NCKAP1: variants seen among roughly 807,000 people sequenced by gnomAD.
NCKAP1 encodes NCK associated protein 1, also known as nck-associated protein 1.
In NCKAP1, 21 loss-of-function variants were observed where a neutral mutation model predicts 151.2. The ratio of observed to expected loss-of-function variants is 0.14; its 90% confidence interval spans 0.10 to 0.20. The LOEUF is 0.20. Among genes scored for constraint, NCKAP1 ranks in the 10% least tolerant of loss-of-function variants. The pLI, the probability that NCKAP1 is intolerant of heterozygous loss-of-function variation, is 1.00. For synonymous variants in NCKAP1, 484 were observed against 451.8 expected, an observed-to-expected ratio of 1.07 and a Z score of -0.90; for missense variants, 933 against 1,352.1, an observed-to-expected ratio of 0.69 and a Z score of 4.86.
Position 182,995,694 on chromosome 2 carries a change from A to C in NCKAP1, c.741+7T>G. ...TTTTCATTCAAAAGAGAAAAATAGA[A>C]CCATACAGTGTCGGACTGTGCTGGA... On this transcript the variant is annotated splice_region_variant and intron_variant, in intron 7 of 30. Transcript: ENST00000361354. 6.2e-7 allele frequency: 1 copy of C among 1,609,566 alleles called. No individual in the cohort carries two copies. Among genetic ancestry groups the C allele is most frequent in the East Asian group, 2.2e-5 (1 of 44,842 alleles).
At chr2:183,016,558 G>A (rs1698692012) in intron 2 of NCKAP1, among the ~76,000 whole-genome samples, 1 of 152,042 alleles carries the variant, frequency 6.6e-6, no homozygotes, top group African/African-American at 2.4e-5. Context: ...TTCCATTAGG[G>A]CATATATATT....
chr2:182,984,423 G>GGC (rs984252600), intron 10 of NCKAP1, among the ~76,000 whole-genome samples: 1 of 144,282 alleles, frequency 6.9e-6, no homozygotes, highest in African/African-American at 2.5e-5. Context: ...TTTAGATTGG[G>GGC]GTGTGTGTGT....
In NCKAP1 at chr2:182,986,144, T is replaced by C. The variant is rs545376118; in HGVS notation, c.1004+27A>G. The C allele has an allele frequency of 2.2e-4, 356 of 1,606,942 alleles. 1 individual carries two copies. The South Asian group carries it at 3.7e-3, about 17-fold the overall frequency. ...TTTAAGAATTTTTCTTGATTAAAGC[T>C]ACCACGGATAAAATAAAACTACTCA... On this transcript the variant is annotated intron_variant, in intron 10 of 30. Transcript: ENST00000361354.
At chr2:182,961,369 T>TGG (rs1697447380) in intron 18 of NCKAP1, among the ~76,000 whole-genome samples, 1 of 152,216 alleles carries the variant, frequency 6.6e-6, no homozygotes, top group African/African-American at 2.4e-5. Context: ...TAAGAAAATG[T>TGG]GGCACATATA....
At chr2:182,983,067 A>G in intron 11 of NCKAP1, 140 bp from the exon 12 acceptor site, 1 of 720,280 alleles carries the variant, frequency 1.4e-6, no homozygotes, top group Non-Finnish European at 2.3e-6. Context: ...AGAGGACACA[A>G]GAGAACCTGT....
chr2:182,956,428 T>C (rs757330609), intron 20 of NCKAP1, 34 bp downstream of exon 20: 10 of 1,592,020 alleles, frequency 6.3e-6, no homozygotes, highest in Non-Finnish European at 8.6e-6. Context: ...CATTACTGAG[T>C]CAACAAACAA....
chr2:182,956,850 C>G (rs1697338441), intron 19 of NCKAP1: 1 of 304,068 alleles, frequency 3.3e-6, no homozygotes, highest in African/African-American at 2.2e-5. Context: ...AGAGCTTATT[C>G]TGCACTCATA....
At position 182,989,057 on chromosome 2, in the gene NCKAP1, G is replaced by A. The variant is rs1366110121; in HGVS notation, c.920C>T (p.Ala307Val). 2 of 1,612,742 alleles carry A rather than the reference G, an allele frequency of 1.2e-6. No homozygotes were observed. The change falls in exon 9 of 31, where the codon GCA (alanine) becomes GTA (valine). Residue 307 changes from alanine (A) to valine (V), a missense_variant. By Grantham distance (64) the Ala-to-Val change is moderately conservative. Around this residue, in one of 2 missense-constraint regions of NCKAP1, gnomAD observed 607 missense variants for 795.0 expected, o/e 0.76. Transcript: ENST00000361354. ...RDEVFHIHKAAEDLFVNIRGY... is the reference protein window; with the variant it reads ...RDEVFHIHKAVEDLFVNIRGY... ...TCGTATGTTTACAAATAAGTCTTCT[G>A]CAGCTTTGTGAATGTGGAAAACTTC...
At chr2:182,930,874 G>C in intron 26 of NCKAP1, 86 bp from the exon 27 acceptor site, 6 of 1,142,952 alleles carry the variant, frequency 5.2e-6, no homozygotes, top group Non-Finnish European at 7.6e-6. Context: ...CTGCCTAGAA[G>C]AACACCAGAG....
Position 183,038,394 on chromosome 2 carries a change from T to G in NCKAP1, c.-295A>C. ...CCGCCCCAGCCCCCAACGAGCCGCC[T>G]TCCCCGGCTGCTCCACTAGGTGTGG... On this transcript the variant is annotated 5_prime_UTR_variant, in exon 1 of 31. Coordinates refer to ENST00000361354, the MANE Select transcript of NCKAP1 (RefSeq NM_013436.5). 3.1e-5 allele frequency: 7 copies of G among 225,628 alleles called. No individual in the cohort carries two copies. Among genetic ancestry groups the G allele is most frequent in the East Asian group, 1.9e-4 (2 of 10,546 alleles). The allele number at this position is 225,628 out of a possible 1,614,324, so 14.0% of individuals were successfully genotyped here.
At chr2:183,024,031 T>A (rs567070761) in intron 1 of NCKAP1, 115 bp from the exon 2 acceptor site, 6 of 766,986 alleles carry the variant, frequency 7.8e-6, no homozygotes, top group Non-Finnish European at 1.3e-5. Flanking sequence ...GAGCAGGTGA[T>A]AAAATGAATA....
intron 1 of NCKAP1, among the ~76,000 whole-genome samples, chr2:183,029,388 C>T (rs1698961814): frequency 6.6e-6 from 1 of 151,806 alleles, no homozygotes; most frequent in African/African-American, 2.4e-5. Context: ...GCTATTACAG[C>T]ATAGGATTAC....
chr2:182,993,110 A>G (rs1404698336), intron 8 of NCKAP1, among the ~76,000 whole-genome samples: 4 of 152,212 alleles, frequency 2.6e-5, no homozygotes, highest in Non-Finnish European at 5.9e-5. Context: ...AAATCTGTGG[A>G]TGCTGAAGTT....
chr2:182,944,660 C>T lies in NCKAP1; in HGVS notation c.2602-2497G>A, dbSNP rs1280769083. On this transcript the variant is annotated intron_variant, in intron 23 of 30. Coordinates refer to ENST00000361354, the MANE Select transcript of NCKAP1 (RefSeq NM_013436.5). ...AAAAGCTCTACTTCTTTAATTAGCA[C>T]ACAAATTACCCTATAAAACAAAAAG... Among the ~76,000 whole-genome samples the T allele has an allele frequency of 4.6e-5, 7 of 152,102 alleles. No homozygotes were observed. The South Asian group carries it at 1.4e-3, about 32-fold the overall frequency.
chr2:182,978,845 C>G lies in NCKAP1; in HGVS notation c.1412G>C (p.Ser471Thr). 1.3e-6 allele frequency: 2 copies of G among 1,585,286 alleles called. No individual in the cohort carries two copies. The highest frequency in any genetic ancestry group is 1.7e-6 in the Non-Finnish European group (2 of 1,157,718). Reference protein sequence around the residue: ...SSFVNTMTSLSVKQVEDGEVF... With the variant: ...SSFVNTMTSLTVKQVEDGEVF... The stretch of plus-strand genomic sequence containing the variant: ...AAAAGGCTTATTACCTTGTTTTACA[C>G]TTAGGGAAGTCATAGTGTTAACAAA... Residue 471 changes from serine to threonine, a missense_variant, in exon 14 of 31, where the codon AGT becomes ACT. Around this residue, in one of 2 missense-constraint regions of NCKAP1, gnomAD observed 607 missense variants for 795.0 expected, o/e 0.76. Transcript: ENST00000361354.
In NCKAP1 at chr2:182,983,341, G is replaced by A. The variant is rs1697980053; in HGVS notation, c.1046C>T (p.Ala349Val). ...GAGGACAGTAGCCAATTCCTTCAGT[G>A]CAGATCTTAAAAACTTGCGTCTTTC... ...HRERRKFLRS[A>V]LKELATVLSD... The change falls in exon 11 of 31, where the codon GCA becomes GTA. Residue 349 changes from alanine to valine, a missense_variant. By Grantham distance (64) the Ala-to-Val change is moderately conservative (BLOSUM62 0). Around this residue, in one of 2 missense-constraint regions of NCKAP1, gnomAD observed 607 missense variants for 795.0 expected, o/e 0.76. Coordinates refer to ENST00000361354, the MANE Select transcript of NCKAP1 (RefSeq NM_013436.5). 1 of 1,613,388 alleles carries A rather than the reference G, an allele frequency of 6.2e-7. No homozygotes were observed. Among genetic ancestry groups the A allele is most frequent in the Non-Finnish European group, 8.5e-7 (1 of 1,179,538 alleles).
intron 24 of NCKAP1, among the ~76,000 whole-genome samples, chr2:182,938,356 T>G (rs1007826717): frequency 6.7e-6 from 1 of 149,882 alleles, no homozygotes; most frequent in Non-Finnish European, 1.5e-5. Context: ...CGACGAAGAG[T>G]AGAGATAAAA....
chr2:182,961,777 A>G (rs1697459328), intron 18 of NCKAP1, among the ~76,000 whole-genome samples: 1 of 152,076 alleles, frequency 6.6e-6, no homozygotes, highest in African/African-American at 2.4e-5. Context: ...GGAAAGAAAA[A>G]AAAAAGGACT....
intron 24 of NCKAP1, among the ~76,000 whole-genome samples, chr2:182,940,761 CTG>C (rs1338060867): frequency 6.6e-6 from 1 of 152,162 alleles, no homozygotes; most frequent in African/African-American, 2.4e-5. Context: ...ATGTACAGAT[CTG>C]TGTTACCACT....
Sources: gnomAD v4.1 joint callset for allele counts (sites outside exome capture counted in the v4.1 genomes callset) on GRCh38, gnomAD v4.1.1 for gene constraint, gnomAD v4.1.1 regional missense constraint, MANE v1.5 for transcripts, NCBI Gene and HGNC (gene_info 2026-07-23, HGNC 2026-07-21) for gene names.